The following RIPOR3 variants were observed in gnomAD, a reference collection of about 807,000 sequenced individuals.
The protein encoded by RIPOR3 is RIPOR family member 3.
Under a neutral mutation model 114.3 loss-of-function variants are expected in RIPOR3, and 95 were observed. The observed-to-expected ratio is 0.83, with a 90% CI of 0.70 to 0.99. The LOEUF (loss-of-function observed/expected upper bound fraction) is 0.99, where lower values mean the gene tolerates loss of function less well. Ranked by LOEUF, RIPOR3 falls within the 50% of genes least tolerant of loss-of-function variation. The probability of loss-of-function intolerance (pLI) is 0.00; values close to 1 mark genes in which losing one functional copy is unlikely to be tolerated. For missense variants in RIPOR3, 1,252 were observed against 1,266.9 expected (o/e 0.99, Z 0.18); for synonymous variants, 575 against 543.8 (o/e 1.06, Z -0.80).
At chr20:50,666,219 T>TTTCTTTTCTTTTCTTTTCTC (rs2086226311) in intron 1 of RIPOR3, among the ~76,000 whole-genome samples, 1 of 119,610 alleles carries the variant, frequency 8.4e-6, no homozygotes, top group African/African-American at 3.6e-5. Context: ...TTTCTTTTCT[T>TTTCTTTTCTTTTCTTTTCTC]TTCTTTTTTG....
At chr20:50,634,158 T>G (rs2084910593) in intron 1 of RIPOR3, among the ~76,000 whole-genome samples, 1 of 151,912 alleles carries the variant, frequency 6.6e-6, no homozygotes. Context: ...ATTTTTGTAT[T>G]CATTGTAGAG....
In RIPOR3 at chr20:50,608,539, G is replaced by T; in HGVS notation, c.811-5C>A. 1 of 1,613,722 alleles carries T rather than the reference G, an allele frequency of 6.2e-7. No individual in the cohort carries two copies. Among genetic ancestry groups the T allele is most frequent in the Non-Finnish European group, 8.5e-7 (1 of 1,179,888 alleles). ...CAGGCCCCGCAACTCCGTCACCTGG[G>T]GGTGGGGGCTGGAGGGTGGTGTCTG... On this transcript the variant is annotated splice_polypyrimidine_tract_variant and splice_region_variant and intron_variant, in intron 10 of 21. Transcript: ENST00000327979.
In RIPOR3 at chr20:50,602,945, G is replaced by A. The variant is rs1001167097; in HGVS notation, c.1087-301C>T. ...GGGCCTTTGCACTGACTGTGCTCTC[G>A]TCAGAACACTCTTCCCCATGTGCCT... On this transcript the variant is annotated intron_variant, in intron 12 of 21. Transcript: ENST00000327979. The surrounding 1 kb of genome is among the most constrained non-coding windows in gnomAD (Gnocchi z 4.3). Among the ~76,000 whole-genome samples the A allele has an allele frequency of 2.0e-5, 3 of 152,148 alleles. No homozygotes were observed. Among genetic ancestry groups the A allele is most frequent in the Non-Finnish European group, 2.9e-5 (2 of 68,026 alleles).
At chr20:50,611,357 A>G (rs1481960677) in intron 4 of RIPOR3, among the ~76,000 whole-genome samples, 153 bp from the exon 5 acceptor site, 1 of 152,204 alleles carries the variant, frequency 6.6e-6, no homozygotes, top group African/African-American at 2.4e-5. Flanking sequence ...TCCTCTGCCA[A>G]CGGCAGACTG....
intron 1 of RIPOR3, among the ~76,000 whole-genome samples, chr20:50,679,548 G>A (rs1446175776): frequency 6.8e-6 from 1 of 148,080 alleles, no homozygotes; most frequent in African/African-American, 2.5e-5. Context: ...ACAAGGTCAG[G>A]AGATCGAGAC....
chr20:50,592,157 G>A (rs903026702), intron 19 of RIPOR3, among the ~76,000 whole-genome samples, 187 bp downstream of exon 19: 3 of 152,204 alleles, frequency 2.0e-5, no homozygotes, highest in Non-Finnish European at 4.4e-5. Context: ...CCTAACAGAT[G>A]TGTTGCTTTG....
intron 1 of RIPOR3, among the ~76,000 whole-genome samples, chr20:50,681,276 A>G (rs1049968055): frequency 3.9e-4 from 2 of 5,122 alleles, no homozygotes; most frequent in African/African-American, 4.3e-4. Context: ...AAGGCACTAG[A>G]AAAAAAAAAA....
At chr20:50,589,590 C>T in intron 20 of RIPOR3, 96 bp downstream of exon 20, 4 of 1,328,356 alleles carry the variant, frequency 3.0e-6, no homozygotes, top group Non-Finnish European at 3.2e-6. Context: ...GCCATCACGC[C>T]CAGCCCCAGT....
At chr20:50,589,658 G>T in intron 20 of RIPOR3, 28 bp downstream of exon 20, 1 of 1,609,274 alleles carries the variant, frequency 6.2e-7, no homozygotes, top group Non-Finnish European at 8.5e-7. Flanking sequence ...TTTTCTATCA[G>T]CCACTAATGG....
chr20:50,593,275 G>T, intron 17 of RIPOR3, 79 bp from the exon 18 acceptor site: 2 of 1,504,142 alleles, frequency 1.3e-6, no homozygotes, highest in Admixed American at 2.1e-5. Context: ...AGCCTGGTCA[G>T]CTAAAAGGCT....
At chr20:50,653,853 C>T (rs1475990967) in intron 1 of RIPOR3, 1 of 152,070 alleles carries the variant, frequency 6.6e-6, no homozygotes, top group East Asian at 1.9e-4. Flanking sequence ...GGATATTTCT[C>T]ACTGGCATAA....
chr20:50,606,002 G>A (rs535766063), intron 11 of RIPOR3, among the ~76,000 whole-genome samples: 9 of 152,158 alleles, frequency 5.9e-5, no homozygotes, highest in African/African-American at 2.4e-5. Context: ...TCAGGAGTTC[G>A]AGACCAGCCT....
At chr20:50,626,229 C>A (rs558304387) in intron 2 of RIPOR3, among the ~76,000 whole-genome samples, 3 of 152,262 alleles carry the variant, frequency 2.0e-5, no homozygotes, top group African/African-American at 4.8e-5. Context: ...GCTTCCCCGT[C>A]GGTGTGGGCA....
In RIPOR3 at chr20:50,616,550, C is replaced by T. The variant is rs529640281; in HGVS notation, c.270-470G>A. 2.6e-5 allele frequency among the ~76,000 whole-genome samples: 4 copies of T among 152,156 alleles called. No individual in the cohort carries two copies. In the East Asian group the frequency reaches 7.7e-4, roughly 29 times the overall value. On this transcript the variant is annotated intron_variant, in intron 3 of 21. Coordinates refer to ENST00000327979, the MANE Select transcript of RIPOR3 (RefSeq NM_001290268.2). The stretch of plus-strand genomic sequence containing the variant: ...TAGAGATGGGGTTTCACTATGTTGG[C>T]CAGGCTGGTCTCGAACTCCTTGACC...
chr20:50,594,763 T>C (rs751934236), intron 16 of RIPOR3, 49 bp from the exon 17 acceptor site: 3 of 1,574,200 alleles, frequency 1.9e-6, no homozygotes, highest in South Asian at 1.1e-5. Flanking sequence ...GGAGAGCACA[T>C]GACAAGGACC....
At chr20:50,671,604 G>A (rs1319207482) in intron 1 of RIPOR3, among the ~76,000 whole-genome samples, 3 of 152,232 alleles carry the variant, frequency 2.0e-5, no homozygotes, top group African/African-American at 7.2e-5. Flanking sequence ...CATTAGCTCT[G>A]CCCTCAGACC....
chr20:50,652,182 G>A (rs1321321364), intron 1 of RIPOR3, among the ~76,000 whole-genome samples: 1 of 152,174 alleles, frequency 6.6e-6, no homozygotes, highest in Non-Finnish European at 1.5e-5. Flanking sequence ...CTGGGCCCAG[G>A]AAAAGGGTGG....
intron 1 of RIPOR3, among the ~76,000 whole-genome samples, chr20:50,632,519 T>C (rs2084852062): frequency 2.0e-5 from 3 of 152,072 alleles, no homozygotes. Context: ...TGGAGGAAGG[T>C]GGCAAGCATT....
chr20:50,640,437 T>C (rs2085146902), intron 1 of RIPOR3, among the ~76,000 whole-genome samples: 1 of 148,386 alleles, frequency 6.7e-6, no homozygotes, highest in Admixed American at 6.7e-5. Context: ...CTGCTTCCCC[T>C]TTCCATCCAA....
Sources: allele counts gnomAD v4.1 joint callset (sites outside exome capture counted in the v4.1 genomes callset), GRCh38; gene constraint gnomAD v4.1.1; non-coding constraint Gnocchi (gnomAD v3.1); transcripts MANE v1.5; gene names NCBI Gene and HGNC (gene_info 2026-07-23, HGNC 2026-07-21).